The following GRM5 variants were observed in gnomAD, a reference collection of about 807,000 sequenced individuals.
The protein encoded by GRM5 is metabotropic glutamate receptor 5.
A neutral mutation model predicts 83.1 loss-of-function variants in GRM5; 19 were observed. The ratio of observed to expected loss-of-function variants is 0.23; its 90% CI spans 0.16 to 0.34. GRM5 has a LOEUF of 0.34. Ranked by LOEUF, GRM5 falls within the 10% of genes least tolerant of loss-of-function variation. GRM5 has a pLI of 1.00. For missense variants in GRM5, 1,160 were observed against 1,588.3 expected (o/e 0.73, Z 4.58); for synonymous variants, 675 against 633.6 (o/e 1.07, Z -0.98).
intron 2 of GRM5, among the ~76,000 whole-genome samples, chr11:88,889,849 G>GCAAA (rs1179791243): frequency 6.6e-6 from 1 of 152,030 alleles, no homozygotes; most frequent in African/African-American, 2.4e-5. Context: ...GGGGAAAAAA[G>GCAAA]CAAACAAACA....
intron 3 of GRM5, among the ~76,000 whole-genome samples, chr11:88,720,393 T>C (rs141584213): frequency 6.6e-6 from 1 of 152,154 alleles, no homozygotes; most frequent in African/African-American, 2.4e-5. Flanking sequence ...ATCATTTTAT[T>C]ACATATAAAT....
chr11:88,812,495 A>T (rs1267775217), intron 3 of GRM5, among the ~76,000 whole-genome samples: 1 of 152,178 alleles, frequency 6.6e-6, no homozygotes, highest in Non-Finnish European at 1.5e-5. Flanking sequence ...ATGGTTCTGA[A>T]CCAGGTCTTT....
At chr11:88,756,782 G>A (rs1942402980) in intron 3 of GRM5, among the ~76,000 whole-genome samples, 1 of 152,054 alleles carries the variant, frequency 6.6e-6, no homozygotes, top group African/African-American at 2.4e-5. Context: ...AAAAAGATAA[G>A]GGACCTATCT....
chr11:88,687,416 G>T (rs1432806557), intron 3 of GRM5, among the ~76,000 whole-genome samples: 4 of 143,556 alleles, frequency 2.8e-5, no homozygotes, highest in African/African-American at 1.1e-4. Context: ...GGCGGAGCTT[G>T]CAGTGAGCCG....
At chr11:88,912,157 T>C (rs2135611818) in intron 2 of GRM5, 1 of 210,566 alleles carries the variant, frequency 4.7e-6, no homozygotes, top group East Asian at 1.6e-4. Context: ...GAAGCAGGAG[T>C]ATTGCTTCAA....
At position 88,811,148 on chromosome 11, in the gene GRM5, G is replaced by A. The variant is rs375089385; in HGVS notation, c.911+38758C>T. ...TGCTATGCCTTAACAACACTGGGGG[G>A]TGGATCACTTAGAAGGACAACAATT... On this transcript the variant is annotated intron_variant, in intron 3 of 9. Coordinates refer to ENST00000305447, the MANE Select transcript of GRM5 (RefSeq NM_001143831.3). Among the ~76,000 whole-genome samples, 54 of 152,094 alleles carry A rather than the reference G, an allele frequency of 3.6e-4. No individual in the cohort carries two copies. In the South Asian group the frequency reaches 0.01, roughly 29 times the overall value.
rs146425660 is a variant in GRM5 at position 88,548,910 on chromosome 11, C to A, written c.2630+18143G>T. Among the ~76,000 whole-genome samples, 5 of 152,214 alleles carry A rather than the reference C, an allele frequency of 3.3e-5. No homozygotes were observed. The East Asian group carries it at 9.7e-4, about 29-fold the overall frequency. On this transcript the variant is annotated intron_variant, in intron 8 of 9. Transcript: ENST00000305447. Reference sequence around the variant, plus strand: ...CAGATAACTTGCTAAAAACAAGCACCAAATTAGTTGCTGAGGGTGGAGGCA... The same window carrying A: ...CAGATAACTTGCTAAAAACAAGCACAAAATTAGTTGCTGAGGGTGGAGGCA...
At chr11:88,892,156 C>CT (rs34754677) in intron 2 of GRM5, among the ~76,000 whole-genome samples, 8 of 140,928 alleles carry the variant, frequency 5.7e-5, no homozygotes, top group Admixed American at 7.0e-5. Context: ...CACAAGAAGT[C>CT]TTTTTTTTTT....
intron 2 of GRM5, among the ~76,000 whole-genome samples, chr11:88,971,331 T>C (rs1157026365): frequency 6.6e-6 from 1 of 152,142 alleles, no homozygotes; most frequent in East Asian, 1.9e-4. Context: ...GGGTTTGACA[T>C]ATAGGTAAAT....
intron 2 of GRM5, among the ~76,000 whole-genome samples, chr11:88,853,935 T>A (rs1283431250): frequency 6.6e-6 from 1 of 151,466 alleles, no homozygotes; most frequent in Admixed American, 6.6e-5. Flanking sequence ...TATCATATGA[T>A]AATCACCCCT....
chr11:88,533,863 G>A (rs770253462), intron 8 of GRM5, among the ~76,000 whole-genome samples: 2 of 152,024 alleles, frequency 1.3e-5, no homozygotes, highest in Admixed American at 6.5e-5. Context: ...GCCAGGCCTC[G>A]GGTCCCTGAG....
chr11:88,512,804 A>T (rs1009288508), intron 9 of GRM5, among the ~76,000 whole-genome samples: 1 of 152,236 alleles, frequency 6.6e-6, no homozygotes, highest in Non-Finnish European at 1.5e-5. Context: ...TTTATATTTT[A>T]TGTGAATACA....
chr11:88,761,678 T>C (rs1942519554), intron 3 of GRM5, among the ~76,000 whole-genome samples: 2 of 152,000 alleles, frequency 1.3e-5, no homozygotes, highest in Non-Finnish European at 2.9e-5. Context: ...TCAATGATAC[T>C]CTTCACAGAA....
chr11:88,969,296 G>C (rs1361076744), intron 2 of GRM5, among the ~76,000 whole-genome samples: 1 of 151,986 alleles, frequency 6.6e-6, no homozygotes, highest in East Asian at 1.9e-4. Context: ...AAGTATCCAA[G>C]CATGTGAGAA....
rs772715010 is a variant in GRM5 at position 88,658,163 on chromosome 11, T to C, written c.912-4760A>G. ...TAGGATGGTGAATCCTATCGTGAAC[T>C]GTACACGTGAGGGAGCTAGGTCGTG... On this transcript the variant is annotated intron_variant, in intron 3 of 9. Transcript: ENST00000305447. 1.1e-4 allele frequency among the ~76,000 whole-genome samples: 17 copies of C among 152,136 alleles called. 1 individual carries two copies. The highest frequency in any genetic ancestry group is 1.9e-4 in the Non-Finnish European group (13 of 68,014).
intron 2 of GRM5, among the ~76,000 whole-genome samples, chr11:88,927,245 AT>A (rs35791519): frequency 0.49 from 74,256 of 151,884 alleles, 19,220 homozygotes; most frequent in South Asian, 0.65. Context: ...TTCTAGGGCT[AT>A]TTACACGTAG....
At chr11:88,968,772 T>TA (rs1939073040) in intron 2 of GRM5, among the ~76,000 whole-genome samples, 1 of 151,934 alleles carries the variant, frequency 6.6e-6, no homozygotes, top group African/African-American at 2.4e-5. Flanking sequence ...ACTTTGAAAA[T>TA]ACCCTAAAAA....
chr11:89,043,522 A>C (rs1941578085), intron 2 of GRM5, among the ~76,000 whole-genome samples: 1 of 152,036 alleles, frequency 6.6e-6, no homozygotes, highest in Non-Finnish European at 1.5e-5. Context: ...TGCCCACAGC[A>C]TATATTCTGT....
At chr11:88,591,063 C>G (rs1024404272) in intron 6 of GRM5, among the ~76,000 whole-genome samples, 1 of 152,188 alleles carries the variant, frequency 6.6e-6, no homozygotes, top group African/African-American at 2.4e-5. Context: ...ACCCCAGGAT[C>G]TGCTCTGCTT....
Sources: gnomAD v4.1 joint callset for allele counts (sites outside exome capture counted in the v4.1 genomes callset) on GRCh38, gnomAD v4.1.1 for gene constraint, MANE v1.5 for transcripts, NCBI Gene and HGNC (gene_info 2026-07-23, HGNC 2026-07-21) for gene names.